Variants in CAMTA1 observed in about 807,000 individuals in gnomAD.
CAMTA1 encodes calmodulin-binding transcription activator 1.
A neutral mutation model predicts 170.9 loss-of-function variants in CAMTA1; 27 were observed. The ratio of observed to expected loss-of-function variants is 0.16; its 90% CI spans 0.12 to 0.22. The LOEUF is 0.22. CAMTA1 is among the 10% of genes least tolerant of loss of function. The probability of loss-of-function intolerance (pLI) is 1.00; values close to 1 mark genes in which losing one functional copy is unlikely to be tolerated. For missense variants in CAMTA1, 1,619 were observed against 2,217.2 expected (o/e 0.73, Z 5.42); for synonymous variants, 833 against 891.5 (o/e 0.93, Z 1.17).
At chr1:6,806,895 C>T (rs1570230569) in intron 1 of CAMTA1, 2 of 411,254 alleles carry the variant, frequency 4.9e-6, no homozygotes, top group South Asian at 1.0e-4. Flanking sequence ...CCTTGTAGTC[C>T]CGCAGGGGCC....
At chr1:7,569,966 C>A (rs1194888841) in intron 6 of CAMTA1, among the ~76,000 whole-genome samples, 4 of 152,220 alleles carry the variant, frequency 2.6e-5, no homozygotes, top group African/African-American at 9.6e-5. Context: ...AACTGCCCTG[C>A]CTAATCCTTT....
intron 6 of CAMTA1, among the ~76,000 whole-genome samples, chr1:7,613,558 G>A (rs530808634): frequency 2.0e-4 from 30 of 152,296 alleles, no homozygotes; most frequent in African/African-American, 6.5e-4. Context: ...TTATGGCATG[G>A]TCCTTGCCCA....
chr1:6,945,534 A>G (rs1316965191), intron 3 of CAMTA1, among the ~76,000 whole-genome samples: 1 of 151,958 alleles, frequency 6.6e-6, no homozygotes, highest in African/African-American at 2.4e-5. Flanking sequence ...TTTTTTGTAG[A>G]GATGGGGTTT....
At chr1:7,040,943 C>T (rs147605644) in intron 3 of CAMTA1, among the ~76,000 whole-genome samples, 2,128 of 152,168 alleles carry the variant, frequency 0.014, 43 homozygotes, top group African/African-American at 0.047. Flanking sequence ...AGGATGGTCT[C>T]GATCTCTTGA....
chr1:7,315,696 C>T (rs1677383659), intron 5 of CAMTA1, among the ~76,000 whole-genome samples: 1 of 152,196 alleles, frequency 6.6e-6, no homozygotes, highest in African/African-American at 2.4e-5. Context: ...AATACAAAAT[C>T]AAAGCGTGGG....
chr1:7,606,218 G>A (rs2095485417), intron 6 of CAMTA1, among the ~76,000 whole-genome samples: 1 of 152,208 alleles, frequency 6.6e-6, no homozygotes, highest in African/African-American at 2.4e-5. Context: ...CCAGGCAGGG[G>A]CTGACAGATG....
In CAMTA1 at chr1:6,843,423, G is replaced by C. The variant is rs112557940; in HGVS notation, c.234+18213G>C. ...TTCAGTTAGAAAACTTTGTGTTTTT[G>C]GTTTGGTCAGGGAAAGATCCAGAAA... is the stretch of plus-strand genomic sequence containing the variant. On this transcript the variant is annotated intron_variant, in intron 3 of 22. Transcript: ENST00000303635. Among the ~76,000 whole-genome samples, 67 of 152,292 alleles carry C rather than the reference G, an allele frequency of 4.4e-4. 1 individual carries two copies. The highest frequency in any genetic ancestry group is 1.5e-3 in the African/African-American group (64 of 41,570).
intron 3 of CAMTA1, among the ~76,000 whole-genome samples, chr1:7,074,870 A>G (rs564573919): frequency 1.8e-4 from 28 of 152,314 alleles, no homozygotes; most frequent in African/African-American, 6.3e-4. Context: ...CCAAGGATGA[A>G]GGGACAGACA....
rs1689890383 is a variant in CAMTA1, at chr1:6,958,712, C to T, written c.235-132592C>T. On this transcript the variant is annotated intron_variant, in intron 3 of 22. Transcript: ENST00000303635. ...AGCCTAGTCCACCACCCCTCTGCAG[C>T]TTCCCGAGCTGTCACCCTCCAGGGT... Among the ~76,000 whole-genome samples, 3 of 152,234 alleles carry T rather than the reference C, an allele frequency of 2.0e-5. 1 individual carries two copies. The highest frequency in any genetic ancestry group is 2.0e-4 in the Admixed American group (3 of 15,292).
intron 4 of CAMTA1, among the ~76,000 whole-genome samples, chr1:7,132,589 T>C (rs1011459072): frequency 2.6e-5 from 4 of 152,224 alleles, no homozygotes; most frequent in Non-Finnish European, 4.4e-5. Flanking sequence ...CTCCTGCCTG[T>C]AATCCCAGCA....
At chr1:7,491,485 C>T (rs2093702342) in intron 6 of CAMTA1, among the ~76,000 whole-genome samples, 1 of 152,156 alleles carries the variant, frequency 6.6e-6, no homozygotes, top group African/African-American at 2.4e-5. Flanking sequence ...CGTGTACTGC[C>T]GATTGTCCAA....
chr1:7,121,064 C>T (rs74051130), intron 4 of CAMTA1, among the ~76,000 whole-genome samples: 2,189 of 152,310 alleles, frequency 0.014, 38 homozygotes, highest in African/African-American at 0.05. Flanking sequence ...TCCTAGGGGC[C>T]TGGTGGCCAC....
chr1:7,436,806 C>T (rs1339653998), intron 5 of CAMTA1, among the ~76,000 whole-genome samples: 3 of 152,130 alleles, frequency 2.0e-5, no homozygotes, highest in Non-Finnish European at 2.9e-5. Flanking sequence ...CCCAGCGGGG[C>T]GGATGCAGAG....
chr1:6,981,852 C>T (rs1045072218), intron 3 of CAMTA1, among the ~76,000 whole-genome samples: 1 of 152,062 alleles, frequency 6.6e-6, no homozygotes, highest in Non-Finnish European at 1.5e-5. Context: ...CCTCAGCCTT[C>T]CAAGTAGCTA....
intron 6 of CAMTA1, among the ~76,000 whole-genome samples, chr1:7,581,679 A>G (rs940792571): frequency 6.6e-6 from 1 of 152,214 alleles, no homozygotes; most frequent in Non-Finnish European, 1.5e-5. Context: ...CACACCTGCC[A>G]CGTGTGGCCT....
chr1:7,308,349 A>G (rs1675914015), intron 5 of CAMTA1, among the ~76,000 whole-genome samples: 1 of 151,348 alleles, frequency 6.6e-6, no homozygotes, highest in South Asian at 2.1e-4. Context: ...TTTCAATTCC[A>G]TTTGTAATTC....
At chr1:7,624,426 C>T (rs546282259) in intron 6 of CAMTA1, among the ~76,000 whole-genome samples, 1 of 152,220 alleles carries the variant, frequency 6.6e-6, no homozygotes, top group Admixed American at 6.5e-5. Context: ...TGGTATACCA[C>T]TGCTCCCACA....
intron 6 of CAMTA1, among the ~76,000 whole-genome samples, chr1:7,586,928 G>A (rs912076353): frequency 2.6e-5 from 4 of 151,996 alleles, no homozygotes; most frequent in Non-Finnish European, 5.9e-5. Flanking sequence ...TAGGGGAGGG[G>A]TTGTGCCACT....
At chr1:7,175,878 C>T (rs149993741) in intron 4 of CAMTA1, among the ~76,000 whole-genome samples, 2 of 152,252 alleles carry the variant, frequency 1.3e-5, no homozygotes, top group South Asian at 2.1e-4. Flanking sequence ...TCTTTCCTGC[C>T]GATTTACACT....
Sources: allele counts gnomAD v4.1 joint callset (sites outside exome capture counted in the v4.1 genomes callset), GRCh38; gene constraint gnomAD v4.1.1; transcripts MANE v1.5; gene names NCBI Gene and HGNC (gene_info 2026-07-23, HGNC 2026-07-21).